Variants in GJA4 observed in about 807,000 individuals in gnomAD.
The protein encoded by GJA4 is gap junction alpha-4 protein.
GJA4 carries 13 observed loss-of-function variants against 25.1 expected under a neutral mutation model. That is an observed-to-expected ratio of 0.52 (90% CI 0.34 to 0.82). The LOEUF (loss-of-function observed/expected upper bound fraction) is 0.82, where lower values mean the gene tolerates loss of function less well. Among genes scored for constraint, GJA4 ranks in the 40% least tolerant of loss-of-function variants. GJA4 has a pLI of 0.02. For missense variants in GJA4, 357 were observed against 443.5 expected, an observed-to-expected ratio of 0.80 and a Z score of 1.75; for synonymous variants, 167 against 193.9, an observed-to-expected ratio of 0.86 and a Z score of 1.15.
At position 34,795,281 on chromosome 1, in the gene GJA4, GC is replaced by G; in HGVS notation, c.*71del. On this transcript the variant is annotated 3_prime_UTR_variant, in exon 2 of 2. Coordinates refer to ENST00000342280, the MANE Select transcript of GJA4 (RefSeq NM_002060.3). ...AGTCTGGCTGCCTGGGATGCCCCCTGCCCCCTCCTGGAAGGCTCTGCAGAGA... is the reference window on the plus strand; with the variant it reads ...AGTCTGGCTGCCTGGGATGCCCCCTGCCCCTCCTGGAAGGCTCTGCAGAGA... 9.8e-7 allele frequency: 1 copy of G among 1,019,988 alleles called. No homozygotes were observed. The highest frequency in any genetic ancestry group is 1.5e-6 in the Non-Finnish European group (1 of 677,906). 63.2% of individuals were successfully genotyped at this position (1,019,988 alleles called of 1,614,324 possible). A position where few individuals can be genotyped will look rare whatever the true frequency, so the allele number is the denominator to read the frequency against.
In GJA4 at chr1:34,794,130, A is replaced by G. The variant is rs1365758866; in HGVS notation, c.-17-67A>G. On this transcript the variant is annotated intron_variant, in intron 1 of 1. Transcript: ENST00000342280. The surrounding 1 kb of genome is among the most constrained non-coding windows in gnomAD (Gnocchi z 7.8). The stretch of plus-strand genomic sequence containing the variant: ...GAACGGGCGTGGCAGACCTCCCTGC[A>G]GGCTTGTTGCTGGGCGAACGAGAAG... The G allele has an allele frequency of 1.5e-6, 2 of 1,301,714 alleles. No homozygotes were observed. Among genetic ancestry groups the G allele is most frequent in the African/African-American group, 2.9e-5 (2 of 68,746 alleles). The allele number at this position is 1,301,714 out of a possible 1,614,324, so 80.6% of individuals were successfully genotyped here. A position where few individuals can be genotyped will look rare whatever the true frequency, so the allele number is the denominator to read the frequency against.
chr1:34,793,126 G>A (rs1640210411), intron 1 of GJA4, 58 bp downstream of exon 1: 1 of 296,092 alleles, frequency 3.4e-6, no homozygotes, highest in African/African-American at 2.3e-5. Context: ...AGGCCGGGAG[G>A]AGTCTTGGGT....
chr1:34,795,171 C>A lies in GJA4; in HGVS notation c.958C>A (p.Pro320Thr). ...DPPPQNGQKP[P>T]SRPSSSASKK... ...ACCCCCTCAGAATGGCCAAAAACCCCCAAGTCGTCCCAGCAGCTCTGCTTC... is the reference window on the plus strand; with the variant it reads ...ACCCCCTCAGAATGGCCAAAAACCCACAAGTCGTCCCAGCAGCTCTGCTTC... Residue 320 changes from proline (P) to threonine (T), a missense_variant, in exon 2 of 2, where the codon CCA (proline) becomes ACA (threonine). Around this residue, in one of 2 missense-constraint regions of GJA4, gnomAD observed 278 missense variants for 298.1 expected, o/e 0.93. Transcript: ENST00000342280. 1 of 1,613,200 alleles carries A rather than the reference C, an allele frequency of 6.2e-7. No individual in the cohort carries two copies. The highest frequency in any genetic ancestry group is 8.5e-7 in the Non-Finnish European group (1 of 1,179,374).
Position 34,794,478 on chromosome 1 carries a change from A to T in GJA4, c.265A>T (p.Thr89Ser), listed in dbSNP as rs770022924. The T allele has an allele frequency of 3.7e-6, 6 of 1,613,772 alleles. No homozygotes were observed. In the South Asian group the frequency reaches 5.5e-5, roughly 15 times the overall value. ...VLQFLFVSTP[T>S]LVYLGHVIYL... ...GCAGTTCCTCTTCGTCAGCACACCC[A>T]CCCTGGTCTACCTGGGCCATGTCAT... The change falls in exon 2 of 2, where the codon ACC (threonine) becomes TCC (serine). Residue 89 changes from threonine (T) to serine (S), a missense_variant. Thr to Ser is a moderately conservative substitution (Grantham distance 58). This residue lies in a region of GJA4 where 79 missense variants were observed against 145.4 expected (regional missense o/e 0.54). Transcript: ENST00000342280. The surrounding 1 kb of genome is among the most constrained non-coding windows in gnomAD (Gnocchi z 7.8).
At chr1:34,793,249 C>A (rs1438920211) in intron 1 of GJA4, among the ~76,000 whole-genome samples, 181 bp downstream of exon 1, 1 of 152,286 alleles carries the variant, frequency 6.6e-6, no homozygotes, top group Non-Finnish European at 1.5e-5. Context: ...CTTGTAACAA[C>A]CCGAGGCGGG....
Position 34,793,052 on chromosome 1 carries a change from C to CA in GJA4, c.-34_-33insA, listed in dbSNP as rs1640208588. ...CCATCGTCCCCACCTCCACCTGGGC[C>CA]GCCCGGCAGGCAGGCGGTGAGTCGG... On this transcript the variant is annotated 5_prime_UTR_variant, in exon 1 of 2. Transcript: ENST00000342280. 10 of 336,576 alleles carry CA rather than the reference C, an allele frequency of 3.0e-5. No homozygotes were observed. The highest frequency in any genetic ancestry group is 2.2e-4 in the African/African-American group (10 of 45,808). 20.8% of individuals were successfully genotyped at this position (336,576 alleles called of 1,614,324 possible).
rs1262132155 is a variant in GJA4 at position 34,794,349 on chromosome 1, G to A, written c.136G>A (p.Gly46Ser). Reference protein sequence around the residue: ...ILGLAGESVWGDEQSDFECNT... With the variant: ...ILGLAGESVWSDEQSDFECNT... ...GGGCCTGGCCGGCGAGTCAGTGTGG[G>A]GTGACGAGCAATCAGATTTCGAGTG... The change falls in exon 2 of 2, where the codon GGT becomes AGT. Residue 46 changes from glycine to serine, a missense_variant. By Grantham distance (56) the Gly-to-Ser change is moderately conservative. Transcript: ENST00000342280. This position sits in a 1 kb window ranked among gnomAD's most constrained non-coding sequence, Gnocchi z 7.8. The A allele has an allele frequency of 3.7e-6, 6 of 1,614,080 alleles. No individual in the cohort carries two copies. Among genetic ancestry groups the A allele is most frequent in the Non-Finnish European group, 4.2e-6 (5 of 1,180,052 alleles).
rs570216726 is a variant in GJA4 at position 34,795,531 on chromosome 1, C to A, written c.*316C>A. 3 of 318,276 alleles carry A rather than the reference C, an allele frequency of 9.4e-6. No individual in the cohort carries two copies. In the South Asian group the frequency reaches 2.0e-4, roughly 22 times the overall value. 19.7% of individuals were successfully genotyped at this position (318,276 alleles called of 1,614,324 possible). A position where few individuals can be genotyped will look rare whatever the true frequency, so the allele number is the denominator to read the frequency against. On this transcript the variant is annotated 3_prime_UTR_variant, in exon 2 of 2. Coordinates refer to ENST00000342280, the MANE Select transcript of GJA4 (RefSeq NM_002060.3). ...TCCAGAGGAACCCAGAGCCAACTTA[C>A]CCCAACCTCACCCTATGGAACAGTC...
rs1041876968 is a variant in GJA4, at chr1:34,795,466, G to A, written c.*251G>A. On this transcript the variant is annotated 3_prime_UTR_variant, in exon 2 of 2. Transcript: ENST00000342280. The stretch of plus-strand genomic sequence containing the variant: ...GACAGAGTCAGCATGGAATGCTCTT[G>A]GCCAAGGGTACTGGGGGCCCTCTGG... The A allele has an allele frequency of 1.1e-5, 5 of 476,128 alleles. No individual in the cohort carries two copies. Among genetic ancestry groups the A allele is most frequent in the African/African-American group, 2.0e-5 (1 of 50,744 alleles). 29.5% of individuals were successfully genotyped at this position (476,128 alleles called of 1,614,324 possible).
chr1:34,793,573 G>A (rs760723719), intron 1 of GJA4, among the ~76,000 whole-genome samples: 2 of 152,194 alleles, frequency 1.3e-5, no homozygotes, highest in Non-Finnish European at 2.9e-5. Flanking sequence ...GTGGCAGGTG[G>A]TCATTATTGC....
At position 34,794,587 on chromosome 1, in the gene GJA4, G is replaced by A. The variant is rs749383822; in HGVS notation, c.374G>A (p.Arg125Gln). ...CCGGCCAAGGACCCACAGGTGGAGC[G>A]GGCGCTGGCGGCCGTAGAGCGTCAG... Reference protein sequence around the residue: ...ALPAKDPQVERALAAVERQMA... With the variant: ...ALPAKDPQVEQALAAVERQMA... The change falls in exon 2 of 2, where the codon CGG (arginine) becomes CAG (glutamine). Residue 125 changes from arginine (R) to glutamine (Q), a missense_variant. Arg to Gln is a conservative substitution (Grantham distance 43). Coordinates refer to ENST00000342280, the MANE Select transcript of GJA4 (RefSeq NM_002060.3). The surrounding 1 kb of genome is among the most constrained non-coding windows in gnomAD (Gnocchi z 7.8). The A allele has an allele frequency of 3.0e-5, 48 of 1,607,140 alleles. No individual in the cohort carries two copies. The highest frequency in any genetic ancestry group is 3.0e-4 in the South Asian group (27 of 91,058).
intron 1 of GJA4, among the ~76,000 whole-genome samples, chr1:34,793,828 A>G (rs1022842923): frequency 2.0e-5 from 3 of 152,208 alleles, no homozygotes; most frequent in Non-Finnish European, 4.4e-5. Context: ...CCAGCTGCAC[A>G]ACTTTGGATA....
At chr1:34,793,965 C>T in intron 1 of GJA4, 2 of 562,600 alleles carry the variant, frequency 3.6e-6, no homozygotes, top group South Asian at 4.5e-5. Context: ...AGGCAGGGAC[C>T]TTAGCCAAAG....
Position 34,795,197 on chromosome 1 carries a change from TAAG to T in GJA4, c.988_990del (p.Lys330del), listed in dbSNP as rs953717864. On this transcript the variant is annotated inframe_deletion, in exon 2 of 2. Coordinates refer to ENST00000342280, the MANE Select transcript of GJA4 (RefSeq NM_002060.3). ...CAAGTCGTCCCAGCAGCTCTGCTTCTAAGAAGCAGTATGTATAGAGGCCTGTGG... is the reference window on the plus strand; with the variant it reads ...CAAGTCGTCCCAGCAGCTCTGCTTCTAAGCAGTATGTATAGAGGCCTGTGG... 12 of 1,609,934 alleles carry T rather than the reference TAAG, an allele frequency of 7.5e-6. No individual in the cohort carries two copies. Among genetic ancestry groups the T allele is most frequent in the Non-Finnish European group, 9.3e-6 (11 of 1,177,870 alleles).
In GJA4 at chr1:34,794,602, T is replaced by C; in HGVS notation, c.389T>C (p.Val130Ala). The change falls in exon 2 of 2, where the codon GTA becomes GCA. Residue 130 changes from valine (V) to alanine (A), a missense_variant. Transcript: ENST00000342280. This position sits in a 1 kb window ranked among gnomAD's most constrained non-coding sequence, Gnocchi z 7.8. Reference sequence around the variant, plus strand: ...CAGGTGGAGCGGGCGCTGGCGGCCGTAGAGCGTCAGATGGCCAAGATCTCG... The same window carrying C: ...CAGGTGGAGCGGGCGCTGGCGGCCGCAGAGCGTCAGATGGCCAAGATCTCG... ...DPQVERALAA[V>A]ERQMAKISVA... The C allele has an allele frequency of 6.2e-7, 1 of 1,604,950 alleles. No individual in the cohort carries two copies. The highest frequency in any genetic ancestry group is 2.2e-5 in the East Asian group (1 of 44,812).
At chr1:34,793,709 C>A (rs1199655464) in intron 1 of GJA4, among the ~76,000 whole-genome samples, 1 of 152,168 alleles carries the variant, frequency 6.6e-6, no homozygotes, top group Non-Finnish European at 1.5e-5. Flanking sequence ...GAGCAGGGAC[C>A]TGAGGCTTTG....
rs943087083 is a variant in GJA4, at chr1:34,793,068, G to A, written c.-18G>A. ...CACCTGGGCCGCCCGGCAGGCAGGC[G>A]GTGAGTCGGGGGCTAGGAAGGGACC... On this transcript the variant is annotated splice_region_variant and 5_prime_UTR_variant, in exon 1 of 2. Transcript: ENST00000342280. 2.6e-4 allele frequency: 88 copies of A among 338,650 alleles called. 1 individual carries two copies. The highest frequency in any genetic ancestry group is 1.5e-3 in the South Asian group (66 of 43,894). The allele number at this position is 338,650 out of a possible 1,614,324, so 21.0% of individuals were successfully genotyped here.
In GJA4 at chr1:34,794,241, T is replaced by C. The variant is rs1640237941; in HGVS notation, c.28T>C (p.Leu10=). The C allele has an allele frequency of 6.2e-7, 1 of 1,613,926 alleles. No individual in the cohort carries two copies. The highest frequency in any genetic ancestry group is 1.3e-5 in the African/African-American group (1 of 74,892). The change falls in exon 2 of 2, where the codon TTG becomes CTG. Residue 10 remains leucine (L), a synonymous_variant. Coordinates refer to ENST00000342280, the MANE Select transcript of GJA4 (RefSeq NM_002060.3). The surrounding 1 kb of genome is among the most constrained non-coding windows in gnomAD (Gnocchi z 7.8). MGDWGFLEK[L]LDQVQEHSTV... The stretch of plus-strand genomic sequence containing the variant: ...GGGTGACTGGGGCTTCCTGGAGAAG[T>C]TGCTGGACCAGGTCCAGGAGCACTC...
In GJA4 at chr1:34,794,275, T is replaced by G; in HGVS notation, c.62T>G (p.Val21Gly). Residue 21 changes from valine (V) to glycine (G), a missense_variant, in exon 2 of 2, where the codon GTG becomes GGG. Around this residue, in one of 2 missense-constraint regions of GJA4, gnomAD observed 79 missense variants for 145.4 expected, o/e 0.54. Coordinates refer to ENST00000342280, the MANE Select transcript of GJA4 (RefSeq NM_002060.3). The surrounding 1 kb of genome is among the most constrained non-coding windows in gnomAD (Gnocchi z 7.8). ...CAGGTCCAGGAGCACTCGACCGTGG[T>G]GGGTAAGATCTGGCTGACGGTGCTC... is the stretch of plus-strand genomic sequence containing the variant. ...LDQVQEHSTV[V>G]GKIWLTVLFI... is the part of the protein sequence containing the mutation. 10 of 1,614,100 alleles carry G rather than the reference T, an allele frequency of 6.2e-6. No homozygotes were observed. The highest frequency in any genetic ancestry group is 8.5e-6 in the Non-Finnish European group (10 of 1,180,006).
Sources: allele counts gnomAD v4.1 joint callset (sites outside exome capture counted in the v4.1 genomes callset), GRCh38; gene constraint gnomAD v4.1.1; regional missense constraint gnomAD v4.1.1; non-coding constraint Gnocchi (gnomAD v3.1); transcripts MANE v1.5; gene names NCBI Gene and HGNC (gene_info 2026-07-23, HGNC 2026-07-21).